The following OTUD6B variants were observed in gnomAD, a reference collection of about 807,000 sequenced individuals.
The protein encoded by OTUD6B is OTU deubiquitinase 6B.
OTUD6B carries 41 observed loss-of-function variants against 36.9 expected under a neutral mutation model. The ratio of observed to expected loss-of-function variants is 1.11; its 90% CI spans 0.87 to 1.44. OTUD6B has a LOEUF of 1.44. OTUD6B is among the 40% of genes most tolerant of loss of function. OTUD6B has a pLI of 0.00. For missense variants in OTUD6B, 356 were observed against 344.8 expected, an observed-to-expected ratio of 1.03 and a Z score of -0.26; for synonymous variants, 114 against 114.2, an observed-to-expected ratio of 1.00 and a Z score of 0.01.
At position 91,086,592 on chromosome 8, in the gene OTUD6B, T is replaced by C. The variant is rs1813019775; in HGVS notation, c.*1724T>C. ...ATGAAACCCAGTATTATAAATGTTA[T>C]CTACATCTAAAGTATTTTAAAATAA... On this transcript the variant is annotated 3_prime_UTR_variant, in exon 7 of 7. Coordinates refer to ENST00000404789, the MANE Select transcript of OTUD6B (RefSeq NM_016023.5). 1 of 152,140 alleles carries C rather than the reference T, an allele frequency of 6.6e-6. No homozygotes were observed. Among genetic ancestry groups the C allele is most frequent in the Non-Finnish European group, 1.5e-5 (1 of 67,986 alleles). 9.4% of individuals were successfully genotyped at this position (152,140 alleles called of 1,614,324 possible).
At chr8:91,072,988 A>G (rs1166393146) in intron 2 of OTUD6B, among the ~76,000 whole-genome samples, 1 of 152,118 alleles carries the variant, frequency 6.6e-6, no homozygotes, top group Non-Finnish European at 1.5e-5. Context: ...CCTATTGTCA[A>G]TATAGATGTT....
intron 3 of OTUD6B, among the ~76,000 whole-genome samples, chr8:91,074,463 A>G (rs1812765536): frequency 6.6e-6 from 1 of 152,140 alleles, no homozygotes; most frequent in South Asian, 2.1e-4. Flanking sequence ...GGGAAAGTTC[A>G]TTATGCTAAT....
chr8:91,076,368 G>T (rs1812803147), intron 3 of OTUD6B: 1 of 733,426 alleles, frequency 1.4e-6, no homozygotes, highest in South Asian at 6.2e-5. Context: ...TATATTGCTG[G>T]AAAAAGAATT....
chr8:91,070,985 TTC>T (rs1452934020), intron 1 of OTUD6B, 151 bp from the exon 2 acceptor site: 68 of 935,976 alleles, frequency 7.3e-5, no homozygotes, highest in Non-Finnish European at 8.3e-5. Context: ...ATCTGGGATC[TTC>T]TCTCTCTGTA....
At chr8:91,075,865 T>C (rs1014879849) in intron 3 of OTUD6B, among the ~76,000 whole-genome samples, 7 of 152,128 alleles carry the variant, frequency 4.6e-5, no homozygotes, top group African/African-American at 1.7e-4. Context: ...GATACAACTC[T>C]GGAAGAAAAA....
chr8:91,078,493 G>C lies in OTUD6B; in HGVS notation c.453G>C (p.Gln151His). Residue 151 changes from glutamine to histidine, a missense_variant, in exon 4 of 7, where the codon CAG becomes CAC. Gln to His is a conservative substitution (Grantham distance 24). Transcript: ENST00000404789. ...ILAARQLEIK[Q>H]IPSDGHCMYK... The stretch of plus-strand genomic sequence containing the variant: ...CAGCTAGACAGTTAGAAATTAAACA[G>C]ATTCCATCTGATGGCCACTGTATGT... 1 of 1,608,694 alleles carries C rather than the reference G, an allele frequency of 6.2e-7. No individual in the cohort carries two copies. Among genetic ancestry groups the C allele is most frequent in the South Asian group, 1.1e-5 (1 of 90,114 alleles).
At chr8:91,072,611 A>G (rs920103440) in intron 2 of OTUD6B, among the ~76,000 whole-genome samples, 1 of 152,210 alleles carries the variant, frequency 6.6e-6, no homozygotes, top group Non-Finnish European at 1.5e-5. Flanking sequence ...TTTGTTAGTT[A>G]TCAAGTTCCC....
At chr8:91,075,788 C>T (rs1812794075) in intron 3 of OTUD6B, among the ~76,000 whole-genome samples, 2 of 152,012 alleles carry the variant, frequency 1.3e-5, no homozygotes, top group African/African-American at 4.8e-5. Flanking sequence ...TTATTTGGAA[C>T]CTCCTTTTTG....
intron 5 of OTUD6B, 66 bp downstream of exon 5, chr8:91,080,796 T>C: frequency 8.2e-7 from 1 of 1,212,654 alleles, no homozygotes; most frequent in Non-Finnish European, 1.2e-6. Context: ...TTCTGTAGTT[T>C]TTAGATGTTT....
chr8:91,084,951 T>C lies in OTUD6B; in HGVS notation c.*83T>C. 1.7e-6 allele frequency: 1 copy of C among 600,760 alleles called. No homozygotes were observed. The highest frequency in any genetic ancestry group is 2.7e-6 in the Non-Finnish European group (1 of 372,034). The allele number at this position is 600,760 out of a possible 1,614,324, so 37.2% of individuals were successfully genotyped here. A position where few individuals can be genotyped will look rare whatever the true frequency, so the allele number is the denominator to read the frequency against. ...CCAAGTGTTGGGTTGTTCTAAATGC[T>C]ACTGAAAAACACAACTACCTTATAT... On this transcript the variant is annotated 3_prime_UTR_variant, in exon 7 of 7. Transcript: ENST00000404789.
intron 3 of OTUD6B, among the ~76,000 whole-genome samples, chr8:91,077,081 T>TA (rs1812815871): frequency 1.3e-5 from 2 of 152,118 alleles, no homozygotes; most frequent in South Asian, 4.1e-4. Flanking sequence ...TACCTTTTCC[T>TA]ATTCTTGGCT....
intron 3 of OTUD6B, among the ~76,000 whole-genome samples, 157 bp downstream of exon 3, chr8:91,074,068 G>A (rs1367254304): frequency 6.6e-6 from 1 of 152,080 alleles, no homozygotes; most frequent in Non-Finnish European, 1.5e-5. Flanking sequence ...CACCTGCTGT[G>A]TGTCACATAC....
At chr8:91,080,809 C>A in intron 5 of OTUD6B, 79 bp downstream of exon 5, 1 of 986,508 alleles carries the variant, frequency 1.0e-6, no homozygotes, top group Non-Finnish European at 1.5e-6. Flanking sequence ...AGATGTTTCT[C>A]AGCTGATCCC....
chr8:91,076,597 T>C (rs1161268166), intron 3 of OTUD6B: 8 of 1,531,190 alleles, frequency 5.2e-6, no homozygotes, highest in Non-Finnish European at 7.0e-6. Flanking sequence ...TTCAGGTGCC[T>C]GGATAGAAGG....
At position 91,077,904 on chromosome 8, in the gene OTUD6B, A is replaced by G. The variant is rs542302882; in HGVS notation, c.316-452A>G. ...GTATACAGACATTTTAAAAAGCTTG[A>G]TAAAAAGGGTGTCTGCCTGTACCCT... On this transcript the variant is annotated intron_variant, in intron 3 of 6. Transcript: ENST00000404789. Among the ~76,000 whole-genome samples the G allele has an allele frequency of 2.4e-3, 362 of 152,122 alleles. 2 individuals are homozygous for G. Among genetic ancestry groups the G allele is most frequent in the African/African-American group, 8.2e-3 (339 of 41,528 alleles).
intron 3 of OTUD6B, among the ~76,000 whole-genome samples, chr8:91,077,461 A>G (rs1286399112): frequency 6.6e-6 from 1 of 151,948 alleles, no homozygotes; most frequent in East Asian, 1.9e-4. Context: ...TTTAGCTATG[A>G]AACATATAGT....
chr8:91,076,792 T>C (rs753850509), intron 3 of OTUD6B: 62 of 708,396 alleles, frequency 8.8e-5, no homozygotes, highest in Non-Finnish European at 1.0e-4. Flanking sequence ...AATAGTGCCA[T>C]CTTGTGTTTT....
intron 3 of OTUD6B, 151 bp from the exon 4 acceptor site, chr8:91,078,205 A>G: frequency 7.1e-7 from 1 of 1,416,872 alleles, no homozygotes; most frequent in South Asian, 1.5e-5. Context: ...CCTTGTAGAA[A>G]ATTCTTGAGA....
At chr8:91,083,322 A>G (rs1025467317) in intron 5 of OTUD6B, among the ~76,000 whole-genome samples, 13 of 152,096 alleles carry the variant, frequency 8.5e-5, no homozygotes, top group Non-Finnish European at 2.9e-5. Context: ...TGCTTGAGCA[A>G]TGGTATTTAA....
Sources: gnomAD v4.1 joint callset for allele counts (sites outside exome capture counted in the v4.1 genomes callset) on GRCh38, gnomAD v4.1.1 for gene constraint, MANE v1.5 for transcripts, NCBI Gene and HGNC (gene_info 2026-07-23, HGNC 2026-07-21) for gene names.